C17orf99: variants seen among roughly 807,000 people sequenced by gnomAD.
C17orf99 encodes the protein chromosome 17 open reading frame 99.
C17orf99 carries 18 observed loss-of-function variants against 22.6 expected under a neutral mutation model. The ratio of observed to expected loss-of-function variants is 0.80; its 90% CI spans 0.55 to 1.18. The LOEUF (loss-of-function observed/expected upper bound fraction) is 1.18, where lower values mean the gene tolerates loss of function less well. Among genes scored for constraint, C17orf99 ranks in the 50% most tolerant of loss-of-function variants. The pLI, the probability that C17orf99 is intolerant of heterozygous loss-of-function variation, is 0.00. For missense variants in C17orf99, 328 were observed against 342.7 expected, an observed-to-expected ratio of 0.96 and a Z score of 0.34; for synonymous variants, 147 against 136.6, an observed-to-expected ratio of 1.08 and a Z score of -0.53.
At chr17:78,152,558 C>T (rs183040896) in intron 2 of C17orf99, among the ~76,000 whole-genome samples, 246 of 151,952 alleles carry the variant, frequency 1.6e-3, no homozygotes, top group Middle Eastern at 3.4e-3. Context: ...TGGTCTCGAA[C>T]TTCTGAGTTC....
At chr17:78,165,322 C>A in intron 4 of C17orf99, 2 of 985,736 alleles carry the variant, frequency 2.0e-6, no homozygotes, top group Non-Finnish European at 2.4e-6. Flanking sequence ...GGAGTCTGTC[C>A]TTGGCACTTT....
intron 3 of C17orf99, among the ~76,000 whole-genome samples, chr17:78,163,360 C>G (rs1184363311): frequency 6.6e-6 from 1 of 152,182 alleles, no homozygotes; most frequent in Non-Finnish European, 1.5e-5. Flanking sequence ...GCATTAGGCT[C>G]AAGGCCTGGG....
chr17:78,148,254 T>C (rs1463230064), intron 2 of C17orf99, among the ~76,000 whole-genome samples: 1 of 151,556 alleles, frequency 6.6e-6, no homozygotes, highest in East Asian at 1.9e-4. Context: ...GATCTCAGCT[T>C]ACTGCAACCT....
At chr17:78,158,300 A>ATT (rs113477288) in intron 2 of C17orf99, 14 of 339,448 alleles carry the variant, frequency 4.1e-5, no homozygotes, top group East Asian at 6.8e-5. Flanking sequence ...CCTCCTACAC[A>ATT]TTTTTTTTTT....
In C17orf99 at chr17:78,165,249, G is replaced by A. The variant is rs1177628096; in HGVS notation, c.641-640G>A. ...TGAACTCATCTCTCTTTGTTTGGGA[G>A]ACACTGCCGTGTCCTGGTTCTCATC... is the stretch of plus-strand genomic sequence containing the variant. On this transcript the variant is annotated intron_variant, in intron 4 of 4. Coordinates refer to ENST00000340363, the MANE Select transcript of C17orf99 (RefSeq NM_001163075.2). 4 of 988,122 alleles carry A rather than the reference G, an allele frequency of 4.0e-6. No homozygotes were observed. In the South Asian group the frequency reaches 1.4e-4, roughly 35 times the overall value. 61.2% of individuals were successfully genotyped at this position (988,122 alleles called of 1,614,324 possible).
intron 4 of C17orf99, chr17:78,164,772 T>A (rs2075605568): frequency 7.8e-7 from 1 of 1,276,826 alleles, no homozygotes; most frequent in Admixed American, 3.2e-5. Flanking sequence ...AGGGCAGGGC[T>A]GTGGCCAGGG....
At chr17:78,162,279 A>T (rs1300756638) in intron 3 of C17orf99, among the ~76,000 whole-genome samples, 1 of 150,000 alleles carries the variant, frequency 6.7e-6, no homozygotes, top group African/African-American at 2.5e-5. Flanking sequence ...ATCTCAAAAA[A>T]AAAAAAAAAA....
intron 2 of C17orf99, chr17:78,160,667 TCCGC>T: frequency 2.8e-6 from 1 of 358,020 alleles, no homozygotes; most frequent in South Asian, 4.0e-5. Context: ...ACCTGCCACC[TCCGC>T]CTTCCTGGTT....
chr17:78,165,780 C>A (rs142542068), intron 4 of C17orf99, 109 bp from the exon 5 acceptor site: 9 of 1,257,546 alleles, frequency 7.2e-6, no homozygotes, highest in Middle Eastern at 3.0e-4. Flanking sequence ...CCAGCCTGGA[C>A]AAAAAGAGCA....
At chr17:78,151,035 A>G (rs1440971806) in intron 2 of C17orf99, among the ~76,000 whole-genome samples, 3 of 152,030 alleles carry the variant, frequency 2.0e-5, no homozygotes, top group Non-Finnish European at 4.4e-5. Flanking sequence ...AGGCAGGAGA[A>G]TCGCTTGAAC....
intron 2 of C17orf99, among the ~76,000 whole-genome samples, chr17:78,160,547 AAGAG>A (rs1555598430): frequency 3.5e-5 from 5 of 143,518 alleles, no homozygotes; most frequent in Admixed American, 7.0e-5. Flanking sequence ...AAAAAAAAAA[AAGAG>A]AGAGAGAGAG....
chr17:78,162,768 T>C (rs1050525057), intron 3 of C17orf99, among the ~76,000 whole-genome samples: 1 of 152,182 alleles, frequency 6.6e-6, no homozygotes, highest in Non-Finnish European at 1.5e-5. Flanking sequence ...CACAGAGTGA[T>C]ACTCTGTGTC....
chr17:78,163,510 C>A (rs972461632), intron 3 of C17orf99, among the ~76,000 whole-genome samples: 3 of 152,176 alleles, frequency 2.0e-5, no homozygotes, highest in Non-Finnish European at 4.4e-5. Context: ...CATTGTTTAT[C>A]TGAAATGAAA....
At chr17:78,158,094 G>C in intron 2 of C17orf99, 2 of 968,714 alleles carry the variant, frequency 2.1e-6, no homozygotes, top group East Asian at 2.9e-5. Flanking sequence ...CTGCATGAGG[G>C]AGACCTTGGC....
At chr17:78,157,863 T>C in intron 2 of C17orf99, 1 of 994,814 alleles carries the variant, frequency 1.0e-6, no homozygotes, top group Non-Finnish European at 1.5e-6. Flanking sequence ...CCACGTAAGA[T>C]CGTCGAGATG....
intron 2 of C17orf99, among the ~76,000 whole-genome samples, chr17:78,153,958 C>T (rs1409787304): frequency 1.6e-5 from 2 of 128,528 alleles, no homozygotes; most frequent in Admixed American, 8.4e-5. Flanking sequence ...CACAGTCTCA[C>T]TCTGTCACCC....
chr17:78,152,066 C>T (rs2075488094), intron 2 of C17orf99, among the ~76,000 whole-genome samples: 1 of 152,176 alleles, frequency 6.6e-6, no homozygotes, highest in Non-Finnish European at 1.5e-5. Context: ...CTGGGCTTGG[C>T]TTAGCTTCCT....
chr17:78,156,494 G>A (rs529580378), intron 2 of C17orf99, among the ~76,000 whole-genome samples: 1 of 152,100 alleles, frequency 6.6e-6, no homozygotes, highest in Non-Finnish European at 1.5e-5. Context: ...GTGGGTGAAG[G>A]CCTGCTGGAA....
rs1451061732 is a variant in C17orf99, at chr17:78,164,291, A to T, written c.567A>T (p.Thr189=). The change falls in exon 4 of 5, where the codon ACA becomes ACT. Residue 189 remains threonine, a synonymous_variant. Transcript: ENST00000340363. The part of the protein sequence containing the change: ...PANFSFLPSQ[T]SDWFWCQAAN... ...ACTTCTCCTTCCTGCCGAGCCAGAC[A>T]TCGGACTGGTTCTGGTGCCAGGCTG... 6.4e-7 allele frequency: 1 copy of T among 1,551,596 alleles called. No homozygotes were observed. The highest frequency in any genetic ancestry group is 1.2e-5 in the South Asian group (1 of 84,070).
Sources: gnomAD v4.1 joint callset for allele counts (sites outside exome capture counted in the v4.1 genomes callset) on GRCh38, gnomAD v4.1.1 for gene constraint, MANE v1.5 for transcripts, NCBI Gene and HGNC (gene_info 2026-07-23, HGNC 2026-07-21) for gene names.